Variants in CALN1 observed in about 807,000 individuals in gnomAD.
CALN1 encodes calneuron 1, also known as calcium-binding protein 8.
CALN1 carries 17 observed loss-of-function variants against 30.6 expected under a neutral mutation model. That is an observed-to-expected ratio of 0.56 (90% CI 0.38 to 0.83). CALN1 has a LOEUF of 0.83. Among genes scored for constraint, CALN1 ranks in the 40% least tolerant of loss-of-function variants. The probability of loss-of-function intolerance (pLI) is 0.00; values close to 1 mark genes in which losing one functional copy is unlikely to be tolerated. For synonymous variants in CALN1, 156 were observed against 131.4 expected (o/e 1.19, Z -1.28); for missense variants, 291 against 354.9 (o/e 0.82, Z 1.45).
chr7:72,292,819 T>C (rs1585385305), intron 2 of CALN1, among the ~76,000 whole-genome samples: 1 of 3,958 alleles, frequency 2.5e-4, no homozygotes, highest in Non-Finnish European at 6.3e-4. Context: ...ATACTCTGTC[T>C]CAAAAAAAAA....
chr7:72,491,938 C>T, the CALN1 span, among the ~76,000 whole-genome samples: 1 of 152,114 alleles, frequency 6.6e-6, no homozygotes, highest in Admixed American at 6.5e-5. Flanking sequence ...TATTACATAA[C>T]AGATAGAATT....
chr7:71,967,711 A>G (rs1797601329), intron 5 of CALN1, among the ~76,000 whole-genome samples: 1 of 151,994 alleles, frequency 6.6e-6, no homozygotes, highest in Admixed American at 6.5e-5. Context: ...TTCAAACTCA[A>G]TAATAAGAAA....
At position 72,054,456 on chromosome 7, in the gene CALN1, T is replaced by TACACATATAC. The variant is rs1236643880; in HGVS notation, c.389-30688_389-30687insGTATATGTGT. ...ACGTATATATATATATACATATATA[T>TACACATATAC]ACATATATATACATATATACATACA... On this transcript the variant is annotated intron_variant, in intron 4 of 6. Transcript: ENST00000395275. 6.9e-4 allele frequency among the ~76,000 whole-genome samples: 78 copies of TACACATATAC among 113,746 alleles called. 3 individuals are homozygous for TACACATATAC. Among genetic ancestry groups the TACACATATAC allele is most frequent in the Middle Eastern group, 4.7e-3 (1 of 212 alleles). The allele number at this position is 113,746 out of a possible 152,430, so 74.6% of individuals were successfully genotyped here.
At chr7:72,119,407 G>C (rs909135998) in intron 3 of CALN1, among the ~76,000 whole-genome samples, 1 of 151,858 alleles carries the variant, frequency 6.6e-6, no homozygotes, top group Non-Finnish European at 1.5e-5. Context: ...GACCCCATAT[G>C]ATTCATTAAC....
chr7:72,113,584 A>G (rs1363569215), intron 3 of CALN1, among the ~76,000 whole-genome samples: 1 of 152,248 alleles, frequency 6.6e-6, no homozygotes, highest in Non-Finnish European at 1.5e-5. Flanking sequence ...TTGGCAAAGG[A>G]TGGCCTGTAG....
At chr7:71,853,196 C>A (rs556778048) in intron 5 of CALN1, among the ~76,000 whole-genome samples, 2 of 151,950 alleles carry the variant, frequency 1.3e-5, no homozygotes, top group African/African-American at 4.8e-5. Context: ...CCTGGCTGAG[C>A]CTCCCAAAGT....
intron 4 of CALN1, among the ~76,000 whole-genome samples, chr7:72,052,932 C>G (rs1270230608): frequency 7.1e-6 from 1 of 141,126 alleles, no homozygotes; most frequent in Non-Finnish European, 1.6e-5. Context: ...GTAATCCCAG[C>G]ACTTTGAGAG....
chr7:72,263,405 T>C (rs1562811000), intron 3 of CALN1, among the ~76,000 whole-genome samples: 3 of 152,146 alleles, frequency 2.0e-5, no homozygotes, highest in African/African-American at 7.2e-5. Flanking sequence ...TTTTTTATTT[T>C]ATTTTTTTTA....
At chr7:71,898,406 C>T (rs1793668318) in intron 5 of CALN1, among the ~76,000 whole-genome samples, 2 of 152,014 alleles carry the variant, frequency 1.3e-5, no homozygotes, top group African/African-American at 4.8e-5. Context: ...TTGGACATGG[C>T]TGATAAAAGG....
intron 5 of CALN1, among the ~76,000 whole-genome samples, chr7:71,918,286 C>T (rs1024125669): frequency 1.3e-5 from 2 of 152,140 alleles, no homozygotes; most frequent in African/African-American, 2.4e-5. Context: ...TGAAGACTCT[C>T]GAAGAGTCGT....
chr7:72,062,103 C>T (rs1803695388), intron 4 of CALN1, among the ~76,000 whole-genome samples: 1 of 152,312 alleles, frequency 6.6e-6, no homozygotes, highest in East Asian at 1.9e-4. Context: ...CCAGTGGAAA[C>T]ATCCTTCAGG....
intron 3 of CALN1, among the ~76,000 whole-genome samples, chr7:72,246,011 TA>T (rs1357625973): frequency 1.3e-5 from 2 of 152,212 alleles, no homozygotes; most frequent in Non-Finnish European, 2.9e-5. Flanking sequence ...ACCTAAGATG[TA>T]CCCAGCCTCC....
chr7:72,105,844 T>C (rs1232844101), intron 4 of CALN1, among the ~76,000 whole-genome samples: 1 of 23,652 alleles, frequency 4.2e-5, no homozygotes. Context: ...GGGATGGGGA[T>C]GAGGGAGGGG....
At chr7:71,904,807 C>G (rs1794042587) in intron 5 of CALN1, among the ~76,000 whole-genome samples, 1 of 152,152 alleles carries the variant, frequency 6.6e-6, no homozygotes, top group East Asian at 1.9e-4. Context: ...ATGGTAAATA[C>G]ATACAATGTT....
At chr7:72,369,800 T>C (rs924938176) in intron 2 of CALN1, among the ~76,000 whole-genome samples, 5 of 152,220 alleles carry the variant, frequency 3.3e-5, no homozygotes, top group Admixed American at 6.5e-5. Context: ...CCATGTTGTG[T>C]CTAGGAATGG....
At chr7:72,239,658 C>G (rs959570102) in intron 3 of CALN1, among the ~76,000 whole-genome samples, 1 of 150,924 alleles carries the variant, frequency 6.6e-6, no homozygotes, top group African/African-American at 2.4e-5. Context: ...GTTTGTAGAT[C>G]AAGTTAACTC....
chr7:72,440,600 G>A (rs1306964441), intron 1 of CALN1, among the ~76,000 whole-genome samples: 1 of 152,228 alleles, frequency 6.6e-6, no homozygotes. Context: ...GCTGAGGCAG[G>A]CGGATCACTT....
intron 1 of CALN1, among the ~76,000 whole-genome samples, chr7:72,432,716 G>A (rs984761176): frequency 6.6e-6 from 1 of 152,156 alleles, no homozygotes; most frequent in East Asian, 1.9e-4. Context: ...CTGGAACAAG[G>A]TGGAGAGTAT....
intron 5 of CALN1, among the ~76,000 whole-genome samples, chr7:71,868,238 G>C (rs1791702847): frequency 6.6e-6 from 1 of 152,100 alleles, no homozygotes; most frequent in African/African-American, 2.4e-5. Flanking sequence ...ACAGTTCCAT[G>C]GGCTATATAG....
Sources: gnomAD v4.1 joint callset for allele counts (sites outside exome capture counted in the v4.1 genomes callset) on GRCh38, gnomAD v4.1.1 for gene constraint, MANE v1.5 for transcripts, NCBI Gene and HGNC (gene_info 2026-07-23, HGNC 2026-07-21) for gene names.